The following NRG1 variants were observed in gnomAD, a reference collection of about 807,000 sequenced individuals.
NRG1 encodes the protein pro-neuregulin-1, membrane-bound isoform.
NRG1 carries 18 observed loss-of-function variants against 63.8 expected under a neutral mutation model. The ratio of observed to expected loss-of-function variants is 0.28; its 90% CI spans 0.19 to 0.42. The LOEUF (loss-of-function observed/expected upper bound fraction) is 0.42. Among genes scored for constraint, NRG1 ranks in the 10% least tolerant of loss-of-function variants. The pLI is 1.00. For missense variants in NRG1, 762 were observed against 814.7 expected, an observed-to-expected ratio of 0.94 and a Z score of 0.79; for synonymous variants, 302 against 301.3, an observed-to-expected ratio of 1.00 and a Z score of -0.02.
intron 1 of NRG1, among the ~76,000 whole-genome samples, chr8:32,092,819 C>T (rs755450375): frequency 5.3e-5 from 8 of 152,166 alleles, no homozygotes; most frequent in East Asian, 1.9e-4. Context: ...TGCATTGCAA[C>T]GACAAAGCCA....
chr8:31,902,106 G>C (rs566224693), intron 1 of NRG1, among the ~76,000 whole-genome samples: 45 of 152,226 alleles, frequency 3.0e-4, no homozygotes, highest in African/African-American at 1.0e-3. Flanking sequence ...GAGATGGTGA[G>C]ACTTAACTAC....
intron 1 of NRG1, among the ~76,000 whole-genome samples, chr8:31,733,213 A>G (rs561344806): frequency 1.0e-4 from 15 of 149,048 alleles, no homozygotes; most frequent in African/African-American, 3.5e-4. Context: ...TTTCCCAGTC[A>G]TGCACTGATG....
At chr8:31,939,185 A>G (rs1724799017) in intron 1 of NRG1, among the ~76,000 whole-genome samples, 1 of 152,218 alleles carries the variant, frequency 6.6e-6, no homozygotes. Context: ...TAACCTATGA[A>G]GAAATATCTA....
chr8:32,642,331 T>C (rs1029133131), intron 5 of NRG1, among the ~76,000 whole-genome samples: 2 of 152,192 alleles, frequency 1.3e-5, no homozygotes, highest in African/African-American at 4.8e-5. Context: ...TGCCTTCAAA[T>C]AAATTGCATT....
At chr8:32,451,125 A>C (rs1476579244) in intron 1 of NRG1, among the ~76,000 whole-genome samples, 1 of 152,216 alleles carries the variant, frequency 6.6e-6, no homozygotes, top group African/African-American at 2.4e-5. Flanking sequence ...AATTTTTCTC[A>C]AACTTCCCAA....
chr8:31,969,099 A>G (rs540248347), intron 1 of NRG1, among the ~76,000 whole-genome samples: 2 of 150,276 alleles, frequency 1.3e-5, no homozygotes, highest in Non-Finnish European at 2.9e-5. Context: ...GTGAGATGCC[A>G]TAATGACTTT....
intron 2 of NRG1, among the ~76,000 whole-genome samples, chr8:32,599,221 A>C (rs1456158468): frequency 2.0e-5 from 3 of 152,074 alleles, no homozygotes; most frequent in African/African-American, 7.2e-5. Flanking sequence ...AGTGTTTTGC[A>C]GTTGTTAGTT....
intron 6 of NRG1, among the ~76,000 whole-genome samples, chr8:32,734,617 G>A (rs1052560991): frequency 1.3e-5 from 2 of 152,140 alleles, no homozygotes; most frequent in South Asian, 2.1e-4. Context: ...TAGATAGTGC[G>A]CTCTTCAGAC....
chr8:32,770,504 A>G (rs1831715510), downstream of NRG1, among the ~76,000 whole-genome samples: 1 of 152,172 alleles, frequency 6.6e-6, no homozygotes, highest in South Asian at 2.1e-4. Flanking sequence ...ATGTTATGTT[A>G]CATCTACAGC....
intron 1 of NRG1, among the ~76,000 whole-genome samples, chr8:32,118,648 G>A (rs1417346747): frequency 6.6e-6 from 1 of 152,080 alleles, no homozygotes; most frequent in African/African-American, 2.4e-5. Flanking sequence ...TTGTAATAGC[G>A]AGGTATTTAT....
At chr8:32,038,326 C>T (rs1819407418) in intron 1 of NRG1, among the ~76,000 whole-genome samples, 1 of 152,024 alleles carries the variant, frequency 6.6e-6, no homozygotes, top group African/African-American at 2.4e-5. Context: ...TAGTCAGTCC[C>T]AATTAGAGAA....
intron 1 of NRG1, among the ~76,000 whole-genome samples, chr8:32,366,677 G>GTGTGTATATATATATATA (rs1164696498): frequency 1.5e-4 from 13 of 87,484 alleles, no homozygotes; most frequent in Non-Finnish European, 2.2e-4. Flanking sequence ...GTGTGTGTGT[G>GTGTGTATATATATATATA]TATATATATA....
chr8:31,790,511 A>G (rs780842005), intron 1 of NRG1, among the ~76,000 whole-genome samples: 3 of 152,212 alleles, frequency 2.0e-5, no homozygotes, highest in Non-Finnish European at 2.9e-5. Context: ...ACCCCTCTGG[A>G]CATTTAATTC....
At chr8:32,335,114 G>A (rs1237119888) in intron 1 of NRG1, among the ~76,000 whole-genome samples, 3 of 152,060 alleles carry the variant, frequency 2.0e-5, no homozygotes, top group African/African-American at 4.8e-5. Flanking sequence ...AAACTGAAGT[G>A]GTAAAGCAGG....
chr8:31,849,641 A>C (rs938155157), intron 1 of NRG1, among the ~76,000 whole-genome samples: 2 of 152,206 alleles, frequency 1.3e-5, no homozygotes, highest in Non-Finnish European at 2.9e-5. Context: ...ATTATCCTTG[A>C]AAGGGTCTTC....
At chr8:31,782,300 T>C (rs1819764047) in intron 1 of NRG1, among the ~76,000 whole-genome samples, 1 of 152,036 alleles carries the variant, frequency 6.6e-6, no homozygotes, top group Non-Finnish European at 1.5e-5. Flanking sequence ...CTTACTTCCT[T>C]CAGATTTTCG....
intron 1 of NRG1, among the ~76,000 whole-genome samples, chr8:31,985,753 G>A (rs1048488357): frequency 7.9e-5 from 12 of 152,130 alleles, no homozygotes; most frequent in African/African-American, 2.9e-4. Flanking sequence ...TGTCTTGAAA[G>A]GCTTTTGTTT....
At chr8:32,668,522 G>A (rs1054368780) in intron 5 of NRG1, among the ~76,000 whole-genome samples, 3 of 152,128 alleles carry the variant, frequency 2.0e-5, no homozygotes, top group Non-Finnish European at 4.4e-5. Flanking sequence ...AGACTTCTGA[G>A]TTACTAGTTT....
chr8:32,362,358 T>C (rs1213904661), intron 1 of NRG1, among the ~76,000 whole-genome samples: 1 of 152,212 alleles, frequency 6.6e-6, no homozygotes, highest in Non-Finnish European at 1.5e-5. Context: ...TGCAGAGATA[T>C]ACTTTTTACA....
Sources: gnomAD v4.1 joint callset for allele counts (sites outside exome capture counted in the v4.1 genomes callset) on GRCh38, gnomAD v4.1.1 for gene constraint, MANE v1.5 for transcripts, NCBI Gene and HGNC (gene_info 2026-07-23, HGNC 2026-07-21) for gene names.